FBN1: variants seen among roughly 807,000 people sequenced by gnomAD.
The protein encoded by FBN1 is fibrillin 1, also known as fibrillin-1.
Under a neutral mutation model 365.1 loss-of-function variants are expected in FBN1, and 29 were observed. The observed-to-expected ratio is 0.08, with a 90% CI of 0.06 to 0.11. FBN1 has a LOEUF of 0.11. FBN1 is among the 10% of genes least tolerant of loss of function. The probability of loss-of-function intolerance (pLI) is 1.00; values close to 1 mark genes in which losing one functional copy is unlikely to be tolerated. For synonymous variants in FBN1, 1,210 were observed against 1,270.5 expected, an observed-to-expected ratio of 0.95 and a Z score of 1.01; for missense variants, 2,476 against 3,703.2, an observed-to-expected ratio of 0.67 and a Z score of 8.60.
At chr15:48,538,890 C>T (rs1280871720) in intron 6 of FBN1, among the ~76,000 whole-genome samples, 2 of 152,164 alleles carry the variant, frequency 1.3e-5, no homozygotes, top group East Asian at 1.9e-4. Context: ...CACCTGTGAA[C>T]GCAACAGTTT....
At chr15:48,586,651 C>T (rs1049262699) in intron 6 of FBN1, among the ~76,000 whole-genome samples, 6 of 152,178 alleles carry the variant, frequency 3.9e-5, no homozygotes, top group African/African-American at 1.4e-4. Context: ...ATGAGTGTCT[C>T]ATGCTGTGTT....
intron 9 of FBN1, 120 bp downstream of exon 9, chr15:48,526,010 A>C (rs984017850): frequency 2.9e-6 from 4 of 1,381,372 alleles, no homozygotes. Flanking sequence ...ATTTTTCCAA[A>C]AATGTACATT....
intron 13 of FBN1, among the ~76,000 whole-genome samples, chr15:48,512,713 T>C (rs2043770684): frequency 6.6e-6 from 1 of 152,172 alleles, no homozygotes; most frequent in Admixed American, 6.5e-5. Flanking sequence ...ATTTTCTTTA[T>C]CCAGTCTATC....
chr15:48,465,263 T>C lies in FBN1; in HGVS notation c.4942+305A>G, dbSNP rs7171359. Among the ~76,000 whole-genome samples, 52,278 of 152,082 alleles carry C rather than the reference T, an allele frequency of 0.34. 10,322 individuals are homozygous for C. The highest frequency in any genetic ancestry group is 0.55 in the African/African-American group (22,912 of 41,484). On this transcript the variant is annotated intron_variant, in intron 40 of 65. Coordinates refer to ENST00000316623, the MANE Select transcript of FBN1 (RefSeq NM_000138.5). ...ACTGAAATTGGACCTGTGCCATTCA[T>C]GTAAAAAATGGCTTTTCTGAAGAGC...
intron 8 of FBN1, among the ~76,000 whole-genome samples, chr15:48,526,680 C>T (rs1370868611): frequency 2.6e-5 from 4 of 152,114 alleles, no homozygotes; most frequent in Admixed American, 6.5e-5. Context: ...TTTTCCACAA[C>T]GCGGATACTG....
intron 10 of FBN1, among the ~76,000 whole-genome samples, chr15:48,520,049 G>A (rs2043837910): frequency 6.6e-6 from 1 of 152,098 alleles, no homozygotes; most frequent in Admixed American, 6.5e-5. Flanking sequence ...TAGTCAAAAG[G>A]TGTCTCCTTT....
At chr15:48,591,101 C>G (rs1333849582) in intron 6 of FBN1, among the ~76,000 whole-genome samples, 1 of 152,210 alleles carries the variant, frequency 6.6e-6, no homozygotes, top group Admixed American at 6.5e-5. Context: ...CTCTGGCTCA[C>G]ATAAAGTTTG....
In FBN1 at chr15:48,434,720, G is replaced by C. The variant is rs753542743; in HGVS notation, c.6497-7C>G. Reference sequence around the variant, plus strand: ...ACAGAACATTCATCAGTATCTGCAAGAAACCAGGAATGTGTCCAAAACATG... The same window carrying C: ...ACAGAACATTCATCAGTATCTGCAACAAACCAGGAATGTGTCCAAAACATG... On this transcript the variant is annotated splice_polypyrimidine_tract_variant and splice_region_variant and intron_variant, in intron 53 of 65. Transcript: ENST00000316623. The C allele has an allele frequency of 1.2e-6, 2 of 1,613,210 alleles. No individual in the cohort carries two copies. The highest frequency in any genetic ancestry group is 2.2e-5 in the South Asian group (2 of 91,074).
intron 9 of FBN1, among the ~76,000 whole-genome samples, chr15:48,521,493 C>T (rs575564175): frequency 1.6e-4 from 25 of 152,298 alleles, no homozygotes; most frequent in African/African-American, 5.8e-4. Flanking sequence ...GATACAATAG[C>T]TCTAGAAGGA....
chr15:48,613,696 G>C (rs2044674644), intron 2 of FBN1, among the ~76,000 whole-genome samples: 2 of 152,182 alleles, frequency 1.3e-5, no homozygotes, highest in Non-Finnish European at 2.9e-5. Context: ...GGGAAGCCGA[G>C]GTGGGCAGGT....
chr15:48,611,288 T>C (rs151168831), intron 3 of FBN1, among the ~76,000 whole-genome samples: 97 of 152,312 alleles, frequency 6.4e-4, no homozygotes, highest in African/African-American at 2.2e-3. Context: ...TGAGATGGAG[T>C]CTCGCTCTGT....
intron 2 of FBN1, among the ~76,000 whole-genome samples, chr15:48,628,208 C>A (rs1033388871): frequency 2.6e-5 from 4 of 152,076 alleles, no homozygotes; most frequent in Non-Finnish European, 5.9e-5. Flanking sequence ...CTTGTCCCTA[C>A]CTTCCTTTCC....
chr15:48,559,794 CA>C (rs1445264875), intron 6 of FBN1, among the ~76,000 whole-genome samples: 4 of 152,218 alleles, frequency 2.6e-5, no homozygotes, highest in Middle Eastern at 3.4e-3. Flanking sequence ...TAAGCAGCAG[CA>C]AAACAATGAA....
At chr15:48,451,863 C>T (rs2141255114) in intron 45 of FBN1, among the ~76,000 whole-genome samples, 1 of 152,252 alleles carries the variant, frequency 6.6e-6, no homozygotes, top group Non-Finnish European at 1.5e-5. Flanking sequence ...TACAAGATAC[C>T]ATCAGATACT....
chr15:48,476,228 C>T lies in FBN1; in HGVS notation c.3965-1578G>A, dbSNP rs575993480. On this transcript the variant is annotated intron_variant, in intron 32 of 65. Transcript: ENST00000316623. ...CACAAATACTCCCAAGCAGGGCTGT[C>T]GAAACTTCTTTCTGCCTCAGGTAAT... Among the ~76,000 whole-genome samples, 9 of 152,328 alleles carry T rather than the reference C, an allele frequency of 5.9e-5. No individual in the cohort carries two copies. In the East Asian group the frequency reaches 1.2e-3, roughly 20 times the overall value.
chr15:48,608,309 G>C (rs2044629748), intron 4 of FBN1, among the ~76,000 whole-genome samples: 1 of 152,170 alleles, frequency 6.6e-6, no homozygotes, highest in South Asian at 2.1e-4. Flanking sequence ...TTTTTCAGAG[G>C]AAAAATTCGT....
chr15:48,519,483 G>A (rs1597583176), intron 10 of FBN1, among the ~76,000 whole-genome samples: 1 of 152,334 alleles, frequency 6.6e-6, no homozygotes, highest in East Asian at 1.9e-4. Flanking sequence ...AGAGCAAGAT[G>A]TGAACACACA....
At chr15:48,459,010 G>A (rs1324445500) in intron 43 of FBN1, among the ~76,000 whole-genome samples, 1 of 152,216 alleles carries the variant, frequency 6.6e-6, no homozygotes, top group African/African-American at 2.4e-5. Context: ...TAATTAGCTG[G>A]GTGGCCTTGG....
intron 4 of FBN1, among the ~76,000 whole-genome samples, chr15:48,604,701 G>T (rs1206029966): frequency 6.6e-6 from 1 of 152,180 alleles, no homozygotes; most frequent in Admixed American, 6.5e-5. Context: ...TTCCATGCAT[G>T]CTTCTCCTCC....
Sources: allele counts gnomAD v4.1 joint callset (sites outside exome capture counted in the v4.1 genomes callset), GRCh38; gene constraint gnomAD v4.1.1; transcripts MANE v1.5; gene names NCBI Gene and HGNC (gene_info 2026-07-23, HGNC 2026-07-21).